NPAS4: variants seen among roughly 807,000 people sequenced by gnomAD.
The protein encoded by NPAS4 is neuronal PAS domain protein 4, also known as neuronal PAS domain-containing protein 4.
NPAS4 carries 10 observed loss-of-function variants against 64.0 expected under a neutral mutation model. The observed-to-expected ratio is 0.16, with a 90% confidence interval of 0.10 to 0.26. The LOEUF is 0.26. Ranked by LOEUF, NPAS4 falls within the 10% of genes least tolerant of loss-of-function variation. NPAS4 has a pLI of 1.00. For missense variants in NPAS4, 886 were observed against 992.6 expected, an observed-to-expected ratio of 0.89 and a Z score of 1.44; for synonymous variants, 441 against 411.7, an observed-to-expected ratio of 1.07 and a Z score of -0.86.
the NPAS4 span, among the ~76,000 whole-genome samples, chr11:66,415,357 TGGTATACCCTG>T: frequency 6.6e-6 from 1 of 152,164 alleles, no homozygotes; most frequent in Non-Finnish European, 1.5e-5. Context: ...AATGATAGCT[TGGTATACCCTG>T]GGTTAAGAGA....
At chr11:66,418,258 C>A (rs1447777611), upstream of NPAS4, among the ~76,000 whole-genome samples, 1 of 152,174 alleles carries the variant, frequency 6.6e-6, no homozygotes, top group African/African-American at 2.4e-5. Context: ...CTGCTGCCTG[C>A]CACTTGGGGG....
At chr11:66,422,600 C>T in intron 3 of NPAS4, 47 bp downstream of exon 3, 3 of 1,597,692 alleles carry the variant, frequency 1.9e-6, no homozygotes, top group Non-Finnish European at 2.6e-6. Context: ...CCACCTGCTG[C>T]CCTTCTCCCC....
chr11:66,418,242 G>A (rs1030121884), upstream of NPAS4, among the ~76,000 whole-genome samples: 4 of 152,136 alleles, frequency 2.6e-5, no homozygotes, highest in African/African-American at 9.7e-5. Flanking sequence ...TTCTTAGCTT[G>A]TTCTGCTGCT....
chr11:66,420,611 C>T (rs1366726095), upstream of NPAS4, among the ~76,000 whole-genome samples: 1 of 152,254 alleles, frequency 6.6e-6, no homozygotes, highest in Non-Finnish European at 1.5e-5. Flanking sequence ...CCCATTCCCT[C>T]AACTCCTCAG....
chr11:66,420,737 G>T (rs1856728487), upstream of NPAS4, among the ~76,000 whole-genome samples: 1 of 152,220 alleles, frequency 6.6e-6, no homozygotes, highest in Non-Finnish European at 1.5e-5. Context: ...TCAGACGCCA[G>T]GGTCCCCACA....
At chr11:66,416,693 T>G (rs949795399), upstream of NPAS4, 1 of 152,264 alleles carries the variant, frequency 6.6e-6, no homozygotes, top group African/African-American at 2.4e-5. Flanking sequence ...TTTGGCATAT[T>G]GTCATTTTCT....
intron 5 of NPAS4, 107 bp downstream of exon 5, chr11:66,423,339 G>C: frequency 1.1e-6 from 1 of 882,166 alleles, no homozygotes; most frequent in Middle Eastern, 2.3e-4. Context: ...AGATAACAGA[G>C]GCCAACAGTT....
the NPAS4 span, among the ~76,000 whole-genome samples, chr11:66,411,737 C>T: frequency 2.0e-5 from 3 of 152,194 alleles, no homozygotes; most frequent in African/African-American, 4.8e-5. Context: ...CTGTGGTTCC[C>T]GCGTTCCCCA....
chr11:66,420,894 G>A, upstream of NPAS4: 1 of 387,882 alleles, frequency 2.6e-6, no homozygotes, highest in Non-Finnish European at 4.7e-6. Flanking sequence ...AGCCGGGCGG[G>A]AGGAGGAGCC....
chr11:66,422,259 G>T lies in NPAS4; in HGVS notation c.315G>T (p.Leu105=). ...TGTCTGAGAGTGTGAGCGAGCATCT[G>T]GGCCACTCCATGGTGAGTGCTAAGG... ...LYLSESVSEH[L]GHSMVDLVAQ... The change falls in exon 2 of 8, where the codon CTG becomes CTT. Residue 105 remains leucine, a synonymous_variant. Coordinates refer to ENST00000311034, the MANE Select transcript of NPAS4 (RefSeq NM_178864.4). The T allele has an allele frequency of 6.2e-7, 1 of 1,613,972 alleles. No individual in the cohort carries two copies. Among genetic ancestry groups the T allele is most frequent in the Non-Finnish European group, 8.5e-7 (1 of 1,179,994 alleles).
At chr11:66,415,557 T>G in the NPAS4 span, among the ~76,000 whole-genome samples, 1 of 152,188 alleles carries the variant, frequency 6.6e-6, no homozygotes, top group African/African-American at 2.4e-5. Context: ...CATTGTAATG[T>G]GAAAACAGCC....
chr11:66,422,122 A>C lies in NPAS4; in HGVS notation c.178A>C (p.Thr60Pro). The change falls in exon 2 of 8, where the codon ACT becomes CCT. Residue 60 changes from threonine (T) to proline (P), a missense_variant and splice_region_variant. Around this residue, in one of 3 missense-constraint regions of NPAS4, gnomAD observed 820 missense variants for 855.5 expected, o/e 0.96. Coordinates refer to ENST00000311034, the MANE Select transcript of NPAS4 (RefSeq NM_178864.4). ...CACTACGTCTTCTCGCCCTACAGGC[A>C]CTCCTCTGGCGGGCCCCACGGGGCT... ...TRKGVFFAGG[T>P]PLAGPTGLLS... is the part of the protein sequence containing the mutation. 6.2e-7 allele frequency: 1 copy of C among 1,613,636 alleles called. No homozygotes were observed. The highest frequency in any genetic ancestry group is 8.5e-7 in the Non-Finnish European group (1 of 1,179,918).
the NPAS4 span, among the ~76,000 whole-genome samples, chr11:66,415,798 T>C: frequency 6.6e-6 from 1 of 152,190 alleles, no homozygotes; most frequent in Non-Finnish European, 1.5e-5. Context: ...TCTCTGAGCC[T>C]TTGTTTCACC....
chr11:66,424,615 C>T lies in NPAS4; in HGVS notation c.1725C>T (p.Pro575=), dbSNP rs1856810895. 6.2e-7 allele frequency: 1 copy of T among 1,614,164 alleles called. No homozygotes were observed. Among genetic ancestry groups the T allele is most frequent in the South Asian group, 1.1e-5 (1 of 91,086 alleles). The change falls in exon 7 of 8, where the codon CCC becomes CCT. Residue 575 remains proline (P), a synonymous_variant. Coordinates refer to ENST00000311034, the MANE Select transcript of NPAS4 (RefSeq NM_178864.4). The stretch of plus-strand genomic sequence containing the variant: ...GCAGTTTTCTCTATGAGAAGTTGCC[C>T]CCAAGTCCTAGCAGCCCTGGTAATG... ...EGCSFLYEKL[P]PSPSSPGNGD...
At chr11:66,417,305 C>T (rs1257878160), upstream of NPAS4, among the ~76,000 whole-genome samples, 3 of 151,800 alleles carry the variant, frequency 2.0e-5, no homozygotes, top group South Asian at 2.1e-4. Flanking sequence ...TGTGTGCATG[C>T]GCGCTACACA....
chr11:66,421,968 C>G (rs981380895), intron 1 of NPAS4, 152 bp from the exon 2 acceptor site: 1 of 676,066 alleles, frequency 1.5e-6, no homozygotes, highest in Admixed American at 2.6e-5. Flanking sequence ...GGTTCCCTGG[C>G]CAAGAGCTGC....
chr11:66,412,178 A>G, the NPAS4 span, among the ~76,000 whole-genome samples: 1 of 152,220 alleles, frequency 6.6e-6, no homozygotes, highest in African/African-American at 2.4e-5. Flanking sequence ...TTAAGCTGGG[A>G]AGAACATGGT....
At chr11:66,425,397 A>G (rs563692057) in intron 7 of NPAS4, 127 bp downstream of exon 7, 1 of 544,882 alleles carries the variant, frequency 1.8e-6, no homozygotes, top group South Asian at 3.2e-5. Context: ...TCCCCTGCTG[A>G]AGAGAGTAGC....
chr11:66,424,539 C>A lies in NPAS4; in HGVS notation c.1649C>A (p.Pro550Gln). The A allele has an allele frequency of 6.2e-7, 1 of 1,614,190 alleles. No individual in the cohort carries two copies. Among genetic ancestry groups the A allele is most frequent in the South Asian group, 1.1e-5 (1 of 91,088 alleles). Residue 550 changes from proline (P) to glutamine (Q), a missense_variant, in exon 7 of 8, where the codon CCA becomes CAA. Pro to Gln is a moderately conservative substitution (Grantham distance 76). This residue lies in a region of NPAS4 where 820 missense variants were observed against 855.5 expected (regional missense o/e 0.96). Transcript: ENST00000311034. ...AHLDSPSQTF[P>Q]EQLSPNPTKT... ...CTGGACAGCCCCAGCCAAACCTTCC[C>A]AGAGCAACTGAGCCCCAACCCTACC...
Sources: gnomAD v4.1 joint callset for allele counts (sites outside exome capture counted in the v4.1 genomes callset) on GRCh38, gnomAD v4.1.1 for gene constraint, gnomAD v4.1.1 regional missense constraint, MANE v1.5 for transcripts, NCBI Gene and HGNC (gene_info 2026-07-23, HGNC 2026-07-21) for gene names.